Variants in EXT1 observed in about 807,000 individuals in gnomAD.
The protein encoded by EXT1 is exostosin glycosyltransferase 1.
A neutral mutation model predicts 82.5 loss-of-function variants in EXT1; 20 were observed. The ratio of observed to expected loss-of-function variants is 0.24; its 90% CI spans 0.17 to 0.35. EXT1 has a LOEUF of 0.35. Ranked by LOEUF, EXT1 falls within the 10% of genes least tolerant of loss-of-function variation. The pLI, the probability that EXT1 is intolerant of heterozygous loss-of-function variation, is 1.00. For missense variants in EXT1, 757 were observed against 936.5 expected (o/e 0.81, Z 2.50); for synonymous variants, 348 against 350.8 (o/e 0.99, Z 0.09).
At chr8:117,850,877 A>G (rs1587010358) in intron 1 of EXT1, among the ~76,000 whole-genome samples, 1 of 152,210 alleles carries the variant, frequency 6.6e-6, no homozygotes, top group South Asian at 2.1e-4. Flanking sequence ...AGGGTAGACC[A>G]TTGGTGTGTG....
chr8:117,865,949 G>A (rs942138837), intron 1 of EXT1, among the ~76,000 whole-genome samples: 11 of 152,342 alleles, frequency 7.2e-5, no homozygotes, highest in African/African-American at 2.6e-4. Flanking sequence ...GTTAAGCCAG[G>A]AGCAGTGGCT....
intron 1 of EXT1, among the ~76,000 whole-genome samples, chr8:117,852,308 T>C (rs572157053): frequency 1.3e-5 from 2 of 152,296 alleles, no homozygotes; most frequent in African/African-American, 2.4e-5. Context: ...AGAACCACTA[T>C]GAAATGCAAG....
At chr8:117,914,340 T>C (rs937575868) in intron 1 of EXT1, among the ~76,000 whole-genome samples, 11 of 152,170 alleles carry the variant, frequency 7.2e-5, no homozygotes, top group African/African-American at 2.4e-4. Flanking sequence ...ACTGTGATAA[T>C]TGTGTTAACG....
At chr8:117,824,342 A>G (rs1333046534) in intron 4 of EXT1, among the ~76,000 whole-genome samples, 1 of 152,220 alleles carries the variant, frequency 6.6e-6, no homozygotes, top group African/African-American at 2.4e-5. Context: ...CAACATTGTT[A>G]TCTTTTAAAA....
intron 1 of EXT1, among the ~76,000 whole-genome samples, chr8:117,958,468 T>C (rs1444775462): frequency 6.6e-6 from 1 of 152,112 alleles, no homozygotes; most frequent in Non-Finnish European, 1.5e-5. Context: ...CCAAAAACAA[T>C]TGGATAATGA....
chr8:117,993,009 C>T (rs572507589), intron 1 of EXT1, among the ~76,000 whole-genome samples: 55 of 152,328 alleles, frequency 3.6e-4, no homozygotes, highest in African/African-American at 1.2e-3. Context: ...ACCAGAGGGA[C>T]ATATGAGTTC....
intron 1 of EXT1, among the ~76,000 whole-genome samples, chr8:117,920,854 G>A (rs897567208): frequency 6.6e-6 from 1 of 152,096 alleles, no homozygotes; most frequent in Non-Finnish European, 1.5e-5. Flanking sequence ...TAACAGGAGT[G>A]GCTGCTTCAG....
chr8:117,960,896 A>G (rs557539461), intron 1 of EXT1, among the ~76,000 whole-genome samples: 2 of 152,316 alleles, frequency 1.3e-5, no homozygotes, highest in South Asian at 4.1e-4. Context: ...GCGGGGAAAA[A>G]CACGACAGCA....
chr8:117,950,318 C>T (rs1374887740), intron 1 of EXT1, among the ~76,000 whole-genome samples: 1 of 152,186 alleles, frequency 6.6e-6, no homozygotes, highest in Non-Finnish European at 1.5e-5. Context: ...AACAACACAT[C>T]TTTGGAAAGG....
chr8:117,950,500 T>C (rs576687855), intron 1 of EXT1, among the ~76,000 whole-genome samples: 250 of 152,300 alleles, frequency 1.6e-3, no homozygotes, highest in African/African-American at 5.8e-3. Context: ...GTACAATTCC[T>C]GTTTATGTAA....
chr8:118,077,379 A>G (rs867009046), intron 1 of EXT1, among the ~76,000 whole-genome samples: 12 of 152,376 alleles, frequency 7.9e-5, no homozygotes, highest in Middle Eastern at 3.4e-3. Context: ...GGAACCAAAT[A>G]GAATAAAAAC....
At chr8:117,955,090 G>A (rs1275545840) in intron 1 of EXT1, among the ~76,000 whole-genome samples, 2 of 152,132 alleles carry the variant, frequency 1.3e-5, no homozygotes, top group Admixed American at 1.3e-4. Flanking sequence ...TATTAAAAAG[G>A]ACATAATGGA....
intron 1 of EXT1, among the ~76,000 whole-genome samples, chr8:117,964,623 G>GTGTGTGTT (rs1554589522): frequency 6.7e-6 from 1 of 149,730 alleles, no homozygotes; most frequent in Non-Finnish European, 1.5e-5. Flanking sequence ...GTGTGTGTGT[G>GTGTGTGTT]TGTTTGTTTG....
chr8:117,824,364 GATA>G (rs1442354015), intron 4 of EXT1, among the ~76,000 whole-genome samples: 4 of 152,150 alleles, frequency 2.6e-5, no homozygotes, highest in African/African-American at 4.8e-5. Flanking sequence ...TCAAAGATAT[GATA>G]ATAAGATATA....
chr8:117,825,088 A>T (rs1323637445), intron 4 of EXT1, among the ~76,000 whole-genome samples: 1 of 151,846 alleles, frequency 6.6e-6, no homozygotes, highest in African/African-American at 2.4e-5. Context: ...CTCAGGCTGG[A>T]CTCAAACTCC....
intron 1 of EXT1, among the ~76,000 whole-genome samples, chr8:117,844,637 G>A (rs1156852755): frequency 6.6e-6 from 1 of 152,164 alleles, no homozygotes; most frequent in East Asian, 1.9e-4. Flanking sequence ...ATATGGAAAA[G>A]TATAGGTCCC....
chr8:118,077,061 A>G (rs997403496), intron 1 of EXT1, among the ~76,000 whole-genome samples: 3 of 152,234 alleles, frequency 2.0e-5, no homozygotes, highest in Non-Finnish European at 4.4e-5. Flanking sequence ...TCCAAAAAGT[A>G]CATTTCAGAG....
At chr8:117,958,302 A>G (rs996784399) in intron 1 of EXT1, among the ~76,000 whole-genome samples, 6 of 152,242 alleles carry the variant, frequency 3.9e-5, no homozygotes, top group Non-Finnish European at 8.8e-5. Flanking sequence ...AACAGAATGT[A>G]TGGATAGAGC....
intron 1 of EXT1, among the ~76,000 whole-genome samples, chr8:117,893,123 G>A (rs1194716891): frequency 6.6e-6 from 1 of 152,206 alleles, no homozygotes; most frequent in Non-Finnish European, 1.5e-5. Flanking sequence ...TGCACAGAAG[G>A]CAAGAATGGA....
Sources: allele counts gnomAD v4.1 joint callset (sites outside exome capture counted in the v4.1 genomes callset), GRCh38; gene constraint gnomAD v4.1.1; transcripts MANE v1.5; gene names NCBI Gene and HGNC (gene_info 2026-07-23, HGNC 2026-07-21).